Variants in RABGAP1L observed in about 807,000 individuals in gnomAD.
RABGAP1L encodes the protein rab GTPase-activating protein 1-like.
A neutral mutation model predicts 137.7 loss-of-function variants in RABGAP1L; 63 were observed. The observed-to-expected ratio is 0.46, with a 90% CI of 0.37 to 0.56. RABGAP1L has a LOEUF of 0.56. Among genes scored for constraint, RABGAP1L ranks in the 20% least tolerant of loss-of-function variants. The pLI, the probability that RABGAP1L is intolerant of heterozygous loss-of-function variation, is 0.00. For synonymous variants in RABGAP1L, 431 were observed against 433.7 expected, an observed-to-expected ratio of 0.99 and a Z score of 0.08; for missense variants, 1,095 against 1,244.0, an observed-to-expected ratio of 0.88 and a Z score of 1.80.
intron 12 of RABGAP1L, among the ~76,000 whole-genome samples, chr1:174,377,709 T>C (rs1012281195): frequency 4.6e-5 from 7 of 151,060 alleles, no homozygotes; most frequent in Admixed American, 1.3e-4. Context: ...TAATAACAAG[T>C]GTTGGCAAGA....
At chr1:174,515,988 A>T (rs980294723) in intron 13 of RABGAP1L, among the ~76,000 whole-genome samples, 2 of 152,164 alleles carry the variant, frequency 1.3e-5, no homozygotes, top group Non-Finnish European at 2.9e-5. Context: ...CTTCTAATAG[A>T]AGTGTGTAAA....
chr1:174,404,232 A>G (rs1159551091), intron 13 of RABGAP1L, among the ~76,000 whole-genome samples: 2 of 152,200 alleles, frequency 1.3e-5, no homozygotes, highest in African/African-American at 2.4e-5. Context: ...TGAGTGAGCC[A>G]GGGAAGACTT....
intron 12 of RABGAP1L, among the ~76,000 whole-genome samples, chr1:174,376,445 C>G (rs559226017): frequency 2.0e-5 from 3 of 152,232 alleles, no homozygotes; most frequent in African/African-American, 4.8e-5. Context: ...TCAACAAGTC[C>G]TAGCATATCA....
chr1:174,850,073 T>A, intron 19 of RABGAP1L: 1 of 535,058 alleles, frequency 1.9e-6, no homozygotes, highest in Admixed American at 2.0e-5. Flanking sequence ...TAGAGGGGTG[T>A]CTGGGATTGG....
At chr1:174,250,393 T>C (rs1672623251) in intron 5 of RABGAP1L, 82 bp from the exon 6 acceptor site, 1 of 1,019,094 alleles carries the variant, frequency 9.8e-7, no homozygotes, top group Admixed American at 2.9e-5. Context: ...TGGAAAATTG[T>C]AGATTCAAGA....
At chr1:174,477,965 G>A (rs1558267514) in intron 13 of RABGAP1L, among the ~76,000 whole-genome samples, 1 of 151,990 alleles carries the variant, frequency 6.6e-6, no homozygotes, top group Non-Finnish European at 1.5e-5. Flanking sequence ...TCATAGGTGA[G>A]TGGTAATAAT....
chr1:174,620,290 G>A (rs1672322180), intron 13 of RABGAP1L, among the ~76,000 whole-genome samples: 1 of 152,134 alleles, frequency 6.6e-6, no homozygotes, highest in Non-Finnish European at 1.5e-5. Flanking sequence ...AGACCTAACA[G>A]CCATCTGCAG....
At chr1:174,640,462 C>G (rs1271287554) in intron 14 of RABGAP1L, among the ~76,000 whole-genome samples, 1 of 152,042 alleles carries the variant, frequency 6.6e-6, no homozygotes, top group Non-Finnish European at 1.5e-5. Flanking sequence ...TGTGTGTAAC[C>G]TTTAAGGCTT....
chr1:174,172,703 T>C (rs1294134605), intron 1 of RABGAP1L, among the ~76,000 whole-genome samples: 1 of 152,174 alleles, frequency 6.6e-6, no homozygotes, highest in Non-Finnish European at 1.5e-5. Flanking sequence ...TTATTTCGTT[T>C]TGTTTTGTTT....
intron 19 of RABGAP1L, among the ~76,000 whole-genome samples, chr1:174,954,731 G>A (rs1440285349): frequency 6.6e-6 from 1 of 152,108 alleles, no homozygotes; most frequent in Non-Finnish European, 1.5e-5. Flanking sequence ...TTCCGATCTG[G>A]TGGGAAAATG....
At chr1:174,575,030 A>C (rs551320094) in intron 13 of RABGAP1L, among the ~76,000 whole-genome samples, 2 of 152,198 alleles carry the variant, frequency 1.3e-5, no homozygotes, top group Admixed American at 1.3e-4. Context: ...TCCCAGGTTC[A>C]AGCGATTCTC....
At chr1:174,956,054 T>A (rs191141237) in intron 19 of RABGAP1L, among the ~76,000 whole-genome samples, 25 of 152,302 alleles carry the variant, frequency 1.6e-4, no homozygotes, top group Admixed American at 1.4e-3. Context: ...ATACTTATTT[T>A]AAAAAAAATT....
intron 13 of RABGAP1L, among the ~76,000 whole-genome samples, chr1:174,586,733 T>C (rs936179915): frequency 3.9e-5 from 6 of 151,970 alleles, no homozygotes; most frequent in Admixed American, 3.9e-4. Context: ...AAGTAGCTGG[T>C]ATTATAGGCA....
chr1:174,859,953 CTTTTTTTTTTTT>C (rs746676430), intron 19 of RABGAP1L, among the ~76,000 whole-genome samples: 2 of 95,150 alleles, frequency 2.1e-5, no homozygotes, highest in Admixed American at 2.3e-4. Context: ...TAGTCCAATG[CTTTTTTTTTTTT>C]TTTTTTTTTT....
intron 1 of RABGAP1L, among the ~76,000 whole-genome samples, chr1:174,202,758 T>G (rs1668220308): frequency 6.6e-6 from 1 of 152,170 alleles, no homozygotes. Context: ...TTGCCTAGGT[T>G]TTCTTCTAGG....
intron 18 of RABGAP1L, among the ~76,000 whole-genome samples, chr1:174,803,205 G>A (rs572865711): frequency 2.0e-4 from 30 of 152,198 alleles, no homozygotes; most frequent in African/African-American, 7.2e-4. Context: ...AGAACTCTAG[G>A]TTTCTTTAAC....
chr1:174,741,855 CAAAAA>C (rs775821774), intron 17 of RABGAP1L, among the ~76,000 whole-genome samples: 2 of 41,894 alleles, frequency 4.8e-5, no homozygotes, highest in African/African-American at 1.1e-4. Flanking sequence ...CCTATTTCTA[CAAAAA>C]AAAAAAAAAA....
At chr1:174,226,833 C>T (rs1229707100) in intron 3 of RABGAP1L, among the ~76,000 whole-genome samples, 3 of 151,024 alleles carry the variant, frequency 2.0e-5, no homozygotes, top group African/African-American at 4.9e-5. Context: ...TTGTAGATAC[C>T]TTTTTAAAAT....
intron 19 of RABGAP1L, among the ~76,000 whole-genome samples, chr1:174,876,604 G>A (rs1653144026): frequency 6.6e-6 from 1 of 152,018 alleles, no homozygotes; most frequent in African/African-American, 2.4e-5. Context: ...CACTACTGGT[G>A]GTTAAGCTAC....
Sources: gnomAD v4.1 joint callset for allele counts (sites outside exome capture counted in the v4.1 genomes callset) on GRCh38, gnomAD v4.1.1 for gene constraint, MANE v1.5 for transcripts, NCBI Gene and HGNC (gene_info 2026-07-23, HGNC 2026-07-21) for gene names.